Variants in LPP observed in about 807,000 individuals in gnomAD.
LPP encodes lipoma-preferred partner.
In LPP, 38 loss-of-function variants were observed where a neutral mutation model predicts 60.4. That is an observed-to-expected ratio of 0.63 (90% CI 0.49 to 0.83). The LOEUF is 0.83. LPP is among the 40% of genes least tolerant of loss of function. The pLI is 0.00. For synonymous variants in LPP, 328 were observed against 290.8 expected (o/e 1.13, Z -1.30); for missense variants, 902 against 783.6 (o/e 1.15, Z -1.80).
chr3:188,418,320 T>C (rs1786883743), intron 4 of LPP, among the ~76,000 whole-genome samples: 1 of 152,196 alleles, frequency 6.6e-6, no homozygotes, highest in South Asian at 2.1e-4. Context: ...GGCAGAACAG[T>C]ATCTTAACTA....
At chr3:188,459,841 G>T (rs71308925) in intron 4 of LPP, among the ~76,000 whole-genome samples, 1 of 43,432 alleles carries the variant, frequency 2.3e-5, no homozygotes, top group Non-Finnish European at 4.2e-5. Flanking sequence ...ATTATTCATG[G>T]GGGGGGGTTC....
chr3:188,806,811 T>C (rs186633921), intron 9 of LPP, among the ~76,000 whole-genome samples: 1 of 152,060 alleles, frequency 6.6e-6, no homozygotes, highest in East Asian at 1.9e-4. Context: ...CAATTGTTAC[T>C]CTCAATTTAC....
chr3:188,398,042 A>T (rs1173634435), intron 3 of LPP, among the ~76,000 whole-genome samples: 1 of 152,216 alleles, frequency 6.6e-6, no homozygotes, highest in East Asian at 1.9e-4. Context: ...AGCATTGCCA[A>T]GAACAAGGAG....
intron 2 of LPP, among the ~76,000 whole-genome samples, chr3:188,340,911 C>T (rs1398610575): frequency 6.6e-6 from 1 of 152,080 alleles, no homozygotes; most frequent in Admixed American, 6.6e-5. Flanking sequence ...GTTATCACTG[C>T]TCTCTATAAC....
intron 8 of LPP, chr3:188,709,531 A>T (rs936531197): frequency 6.6e-6 from 1 of 151,984 alleles, no homozygotes; most frequent in Admixed American, 6.6e-5. Context: ...TAGTTTTTGT[A>T]TTTTTAGTAG....
intron 6 of LPP, among the ~76,000 whole-genome samples, chr3:188,606,006 T>A (rs1470361991): frequency 6.6e-6 from 1 of 152,112 alleles, no homozygotes; most frequent in Admixed American, 6.6e-5. Context: ...TACATTACTG[T>A]CAAACTCAAG....
At chr3:188,594,053 G>A (rs910409032) in intron 6 of LPP, among the ~76,000 whole-genome samples, 4 of 152,134 alleles carry the variant, frequency 2.6e-5, no homozygotes, top group African/African-American at 9.7e-5. Context: ...TGTTCTAAGT[G>A]TTATGAAAGG....
chr3:188,251,486 G>T (rs1729617796), intron 2 of LPP, among the ~76,000 whole-genome samples: 1 of 152,024 alleles, frequency 6.6e-6, no homozygotes, highest in South Asian at 2.1e-4. Context: ...CTCTTTCAAT[G>T]ACTGGAGCTA....
intron 3 of LPP, among the ~76,000 whole-genome samples, chr3:188,390,256 CATT>C (rs1331548116): frequency 6.6e-6 from 1 of 152,128 alleles, no homozygotes; most frequent in East Asian, 1.9e-4. Context: ...TTTTGGACAT[CATT>C]GTTTGTCACA....
At chr3:188,240,261 G>T (rs73059620) in intron 2 of LPP, 2,594 of 172,794 alleles carry the variant, frequency 0.015, 62 homozygotes, top group African/African-American at 0.055. Context: ...AAAAAGTAGT[G>T]AGGGGGAACA....
chr3:188,732,514 T>C (rs1720978602), intron 8 of LPP, among the ~76,000 whole-genome samples: 1 of 152,022 alleles, frequency 6.6e-6, no homozygotes, highest in Non-Finnish European at 1.5e-5. Context: ...TCCCAGCGCT[T>C]TGGGAGGCCG....
chr3:188,575,477 A>C (rs1354169338), intron 6 of LPP, among the ~76,000 whole-genome samples: 1 of 152,180 alleles, frequency 6.6e-6, no homozygotes, highest in Non-Finnish European at 1.5e-5. Context: ...ATGAGGAAAC[A>C]AGGCCTAGAG....
intron 4 of LPP, among the ~76,000 whole-genome samples, chr3:188,433,730 A>G (rs1791601132): frequency 6.7e-6 from 1 of 149,674 alleles, no homozygotes; most frequent in African/African-American, 2.5e-5. Flanking sequence ...AGAGAGAAAG[A>G]GGAAGGTATG....
chr3:188,826,639 T>A (rs1577818432), intron 9 of LPP, among the ~76,000 whole-genome samples: 1 of 152,240 alleles, frequency 6.6e-6, no homozygotes, highest in East Asian at 1.9e-4. Flanking sequence ...TTCTCTGCCT[T>A]GAATTCCCTC....
intron 6 of LPP, among the ~76,000 whole-genome samples, chr3:188,541,338 G>C (rs545859725): frequency 1.2e-3 from 184 of 152,254 alleles, no homozygotes; most frequent in African/African-American, 4.3e-3. Context: ...ACCACACTTT[G>C]TGAACCCTTT....
chr3:188,617,122 A>C (rs1844995019), intron 7 of LPP, among the ~76,000 whole-genome samples: 1 of 152,202 alleles, frequency 6.6e-6, no homozygotes, highest in Non-Finnish European at 1.5e-5. Context: ...AGCGTGATAC[A>C]ACTTTAAAGG....
rs1350694822 is a variant in LPP at position 188,889,540 on chromosome 3, C to G, written c.*15061C>G. On this transcript the variant is annotated 3_prime_UTR_variant, in exon 12 of 12. Coordinates refer to ENST00000617246, the MANE Select transcript of LPP (RefSeq NM_001375462.1). ...GCAAAGCAAGATACCTCCACTTAAC[C>G]TTTATCCAAGGAAGCTCTTGGTGTC... is the stretch of plus-strand genomic sequence containing the variant. The G allele has an allele frequency of 4.4e-6, 1 of 229,536 alleles. No homozygotes were observed. Among genetic ancestry groups the G allele is most frequent in the African/African-American group, 2.2e-5 (1 of 45,122 alleles). 14.2% of individuals were successfully genotyped at this position (229,536 alleles called of 1,614,324 possible).
intron 3 of LPP, among the ~76,000 whole-genome samples, chr3:188,391,272 T>G (rs1018045255): frequency 6.6e-6 from 1 of 152,132 alleles, no homozygotes; most frequent in Non-Finnish European, 1.5e-5. Context: ...ACTCAGTACT[T>G]CTGGAGTTGT....
intron 9 of LPP, among the ~76,000 whole-genome samples, chr3:188,804,477 G>T (rs977467829): frequency 2.6e-5 from 4 of 151,248 alleles, no homozygotes; most frequent in Non-Finnish European, 5.9e-5. Context: ...GTGGGAGGAT[G>T]ATGAGGGTTG....
Sources: allele counts gnomAD v4.1 joint callset (sites outside exome capture counted in the v4.1 genomes callset), GRCh38; gene constraint gnomAD v4.1.1; transcripts MANE v1.5; gene names NCBI Gene and HGNC (gene_info 2026-07-23, HGNC 2026-07-21).